The following ATAD2B variants were observed in gnomAD, a reference collection of about 807,000 sequenced individuals.
ATAD2B encodes ATPase family AAA domain-containing protein 2B.
ATAD2B carries 40 observed loss-of-function variants against 167.6 expected under a neutral mutation model. The ratio of observed to expected loss-of-function variants is 0.24; its 90% CI spans 0.19 to 0.31. ATAD2B has a LOEUF of 0.31. Among genes scored for constraint, ATAD2B ranks in the 10% least tolerant of loss-of-function variants. ATAD2B has a pLI of 1.00. For missense variants in ATAD2B, 1,242 were observed against 1,757.2 expected (o/e 0.71, Z 5.24); for synonymous variants, 579 against 596.5 (o/e 0.97, Z 0.43).
chr2:23,706,438 TGGAAGTGAAA>T, the ATAD2B span: 234 of 1,393,918 alleles, frequency 1.7e-4, no homozygotes, highest in African/African-American at 3.1e-3. Flanking sequence ...AGGGCCAAGT[TGGAAGTGAAA>T]TGCCTAACTC....
chr2:23,849,569 C>T (rs1692232836), intron 13 of ATAD2B, among the ~76,000 whole-genome samples: 1 of 152,198 alleles, frequency 6.6e-6, no homozygotes. Context: ...CAGTGGCTCA[C>T]GCCTGTAATC....
At chr2:23,777,482 G>A (rs536555478) in intron 22 of ATAD2B, among the ~76,000 whole-genome samples, 16 of 152,054 alleles carry the variant, frequency 1.1e-4, no homozygotes, top group Non-Finnish European at 2.1e-4. Flanking sequence ...AACACTAACA[G>A]AAAAATGAGT....
intron 23 of ATAD2B, 132 bp from the exon 24 acceptor site, chr2:23,762,478 A>G (rs993434138): frequency 7.6e-6 from 6 of 785,168 alleles, no homozygotes; most frequent in African/African-American, 1.8e-5. Flanking sequence ...TGCAGTTCCA[A>G]TGAAAGCAGT....
chr2:23,736,672 C>G, the ATAD2B span, among the ~76,000 whole-genome samples: 1 of 152,172 alleles, frequency 6.6e-6, no homozygotes, highest in Admixed American at 6.5e-5. Context: ...GTTCATCTCA[C>G]TGGGGAGTGC....
the ATAD2B span, chr2:23,691,697 G>T: frequency 2.6e-6 from 4 of 1,551,658 alleles, no homozygotes; most frequent in Non-Finnish European, 3.5e-6. Context: ...AGCGGCCAGG[G>T]CGGCCGGGAG....
intron 6 of ATAD2B, among the ~76,000 whole-genome samples, chr2:23,882,616 G>A (rs1358103533): frequency 6.6e-6 from 1 of 151,438 alleles, no homozygotes; most frequent in African/African-American, 2.4e-5. Context: ...AGACCATCCT[G>A]GCTAACACAG....
chr2:23,690,807 G>A, the ATAD2B span: 1 of 152,296 alleles, frequency 6.6e-6, no homozygotes, highest in African/African-American at 2.4e-5. Flanking sequence ...GGCCTTAGGA[G>A]CCTTTGCAAT....
intron 13 of ATAD2B, among the ~76,000 whole-genome samples, chr2:23,848,881 A>C (rs1045903306): frequency 6.6e-6 from 1 of 152,182 alleles, no homozygotes; most frequent in Admixed American, 6.5e-5. Flanking sequence ...TTATGGCTTC[A>C]CAAGTATATA....
At chr2:23,863,213 G>A (rs1461181876) in intron 12 of ATAD2B, among the ~76,000 whole-genome samples, 168 bp downstream of exon 12, 1 of 152,118 alleles carries the variant, frequency 6.6e-6, no homozygotes, top group Admixed American at 6.5e-5. Flanking sequence ...AAGGACTGAT[G>A]CAGGAGAATT....
the ATAD2B span, chr2:23,691,965 C>G: frequency 2.3e-6 from 3 of 1,318,602 alleles, no homozygotes; most frequent in Non-Finnish European, 3.1e-6. Flanking sequence ...GCGGGGAGGT[C>G]TGTGTGTGCA....
intron 8 of ATAD2B, among the ~76,000 whole-genome samples, chr2:23,875,600 A>G (rs1466869690): frequency 1.3e-5 from 2 of 152,174 alleles, no homozygotes; most frequent in South Asian, 2.1e-4. Flanking sequence ...CAGTGCTTCA[A>G]ATGAAAGCAA....
At chr2:23,691,626 C>A in the ATAD2B span, 2 of 1,485,592 alleles carry the variant, frequency 1.3e-6, no homozygotes, top group African/African-American at 1.4e-5. Flanking sequence ...GGAAGCGGCA[C>A]GGTGGCCGCA....
chr2:23,855,304 A>G (rs536055564), intron 13 of ATAD2B, among the ~76,000 whole-genome samples: 5 of 152,332 alleles, frequency 3.3e-5, no homozygotes, highest in African/African-American at 1.2e-4. Context: ...GAAAATATAT[A>G]AACAGGCAAT....
At chr2:23,731,171 A>G in the ATAD2B span, among the ~76,000 whole-genome samples, 127 of 152,158 alleles carry the variant, frequency 8.3e-4, no homozygotes, top group Non-Finnish European at 1.4e-3. Context: ...AATAATACCA[A>G]ATTAACTCAT....
chr2:23,801,249 C>G (rs575791759), intron 18 of ATAD2B, among the ~76,000 whole-genome samples: 26 of 151,800 alleles, frequency 1.7e-4, no homozygotes, highest in African/African-American at 5.8e-4. Flanking sequence ...AAGTTTAATA[C>G]TATTATGATT....
At chr2:23,731,220 T>C in the ATAD2B span, among the ~76,000 whole-genome samples, 5 of 152,238 alleles carry the variant, frequency 3.3e-5, no homozygotes, top group East Asian at 1.9e-4. Context: ...ATTAAATTCA[T>C]TGAAAACTAG....
At chr2:23,808,678 T>G (rs1431094336) in intron 18 of ATAD2B, among the ~76,000 whole-genome samples, 1 of 152,182 alleles carries the variant, frequency 6.6e-6, no homozygotes, top group African/African-American at 2.4e-5. Flanking sequence ...ATTAATCACA[T>G]CATAGGCAAA....
At chr2:23,693,276 G>T in the ATAD2B span, 16 of 1,542,146 alleles carry the variant, frequency 1.0e-5, 1 homozygote, top group Non-Finnish European at 1.3e-5. Context: ...CAGAGAAGCA[G>T]CTGACGGCCA....
At chr2:23,774,932 A>G (rs1028839466) in intron 22 of ATAD2B, among the ~76,000 whole-genome samples, 5 of 152,064 alleles carry the variant, frequency 3.3e-5, no homozygotes, top group Non-Finnish European at 7.4e-5. Context: ...TAAAAATAGA[A>G]TAATAAATAA....
Sources: allele counts gnomAD v4.1 joint callset (sites outside exome capture counted in the v4.1 genomes callset), GRCh38; gene constraint gnomAD v4.1.1; transcripts MANE v1.5; gene names NCBI Gene and HGNC (gene_info 2026-07-23, HGNC 2026-07-21).